The following CACNA1S variants were observed in gnomAD, a reference collection of about 807,000 sequenced individuals.
CACNA1S encodes the protein calcium voltage-gated channel subunit alpha1 S.
A neutral mutation model predicts 207.4 loss-of-function variants in CACNA1S; 126 were observed. That is an observed-to-expected ratio of 0.61 (90% CI 0.53 to 0.70). CACNA1S has a LOEUF of 0.70. CACNA1S is among the 30% of genes least tolerant of loss of function. CACNA1S has a pLI of 0.00. For synonymous variants in CACNA1S, 960 were observed against 932.7 expected, an observed-to-expected ratio of 1.03 and a Z score of -0.53; for missense variants, 2,349 against 2,422.8, an observed-to-expected ratio of 0.97 and a Z score of 0.64.
At chr1:201,043,216 C>T (rs992328036) in intron 40 of CACNA1S, 65 bp downstream of exon 40, 1 of 1,610,782 alleles carries the variant, frequency 6.2e-7, no homozygotes, top group African/African-American at 1.3e-5. Context: ...CCAATCCAAC[C>T]TGGAACCTGC....
intron 31 of CACNA1S, 78 bp from the exon 32 acceptor site, chr1:201,052,726 G>C: frequency 8.3e-7 from 1 of 1,198,304 alleles, no homozygotes; most frequent in Non-Finnish European, 1.2e-6. Context: ...GCCTTCTCCT[G>C]CCTGACCCCT....
rs1293623518 is a variant in CACNA1S at position 201,091,722 on chromosome 1, GA to G, written c.611del (p.Leu204ProfsTer130). The stretch of plus-strand genomic sequence containing the variant: ...TGATGGCATAGATGATGACCATAAA[GA>G]GGACCAGCAGGGCGATGTGAAAGAG... ...LPLFHIALLV[L>X]FMVIIYAIIG... On this transcript the variant is annotated frameshift_variant, in exon 5 of 44. Transcript: ENST00000362061. LOFTEE classifies it high-confidence loss of function. 1.2e-6 allele frequency: 2 copies of G among 1,614,022 alleles called. No individual in the cohort carries two copies. The highest frequency in any genetic ancestry group is 1.7e-6 in the Non-Finnish European group (2 of 1,179,962).
intron 27 of CACNA1S, 93 bp from the exon 28 acceptor site, chr1:201,058,584 T>C: frequency 9.9e-7 from 1 of 1,005,828 alleles, no homozygotes; most frequent in Non-Finnish European, 1.6e-6. Flanking sequence ...CCCGAGCTAA[T>C]GCGGAGCTGC....
intron 28 of CACNA1S, 116 bp downstream of exon 28, chr1:201,058,292 T>A: frequency 1.1e-6 from 1 of 899,410 alleles, no homozygotes; most frequent in East Asian, 2.5e-5. Context: ...TCATTCCATC[T>A]TTTTAACCCC....
At chr1:201,046,153 T>C (rs1002086345) in intron 38 of CACNA1S, among the ~76,000 whole-genome samples, 1 of 120,750 alleles carries the variant, frequency 8.3e-6, no homozygotes, top group Non-Finnish European at 1.5e-5. Context: ...CAATGGGACA[T>C]ATTTATTTAT....
chr1:201,054,985 C>T (rs948106889), intron 28 of CACNA1S, among the ~76,000 whole-genome samples: 2 of 152,168 alleles, frequency 1.3e-5, no homozygotes, highest in African/African-American at 2.4e-5. Flanking sequence ...GGCCAGGGTC[C>T]GGGCCCCTGT....
rs1572042527 is a variant in CACNA1S at position 201,069,519 on chromosome 1, C to T, written c.2443G>A (p.Ala815Thr). The change falls in exon 18 of 44, where the codon GCA becomes ACA. Residue 815 changes from alanine to threonine, a missense_variant. Coordinates refer to ENST00000362061, the MANE Select transcript of CACNA1S (RefSeq NM_000069.3). ...ILLFILLSSA[A>T]LAAEDPIRAD... ...CGGATGGGGTCTTCCGCAGCCAGTG[C>T]AGCGCTGCTGAGCAGGATGAAGAGC... The T allele has an allele frequency of 1.9e-6, 3 of 1,594,574 alleles. No individual in the cohort carries two copies. Among genetic ancestry groups the T allele is most frequent in the Non-Finnish European group, 2.6e-6 (3 of 1,172,054 alleles).
chr1:201,096,082 G>A (rs1375210635), intron 2 of CACNA1S, among the ~76,000 whole-genome samples: 1 of 152,220 alleles, frequency 6.6e-6, no homozygotes, highest in South Asian at 2.1e-4. Context: ...CAGGCTGGGC[G>A]GCCAGCCATG....
At position 201,053,004 on chromosome 1, in the gene CACNA1S, G is replaced by A. The variant is rs779329632; in HGVS notation, c.3861+205C>T. On this transcript the variant is annotated intron_variant, in intron 31 of 43. Transcript: ENST00000362061. The surrounding 1 kb of genome is among the most constrained non-coding windows in gnomAD (Gnocchi z 5.1). Reference sequence around the variant, plus strand: ...CCTGGCCCCTGCTGTCCACCCACATGCCCAGGTTTCTCCTGGCTGGCATCC... The same window carrying A: ...CCTGGCCCCTGCTGTCCACCCACATACCCAGGTTTCTCCTGGCTGGCATCC... 8.6e-5 allele frequency among the ~76,000 whole-genome samples: 13 copies of A among 152,036 alleles called. No individual in the cohort carries two copies. The highest frequency in any genetic ancestry group is 1.8e-4 in the Non-Finnish European group (12 of 68,002).
intron 9 of CACNA1S, among the ~76,000 whole-genome samples, chr1:201,083,970 C>T (rs1661934792): frequency 6.6e-6 from 1 of 152,062 alleles, no homozygotes; most frequent in South Asian, 2.1e-4. Flanking sequence ...ACAACTGTTC[C>T]CTGCAGCACT....
intron 31 of CACNA1S, among the ~76,000 whole-genome samples, chr1:201,052,951 G>A (rs1284594042): frequency 1.3e-5 from 2 of 152,118 alleles, no homozygotes; most frequent in Non-Finnish European, 2.9e-5. Flanking sequence ...AGGCCACCCA[G>A]GGCTCCAGTC....
Position 201,041,546 on chromosome 1 carries a change from C to T in CACNA1S, c.5092G>A (p.Ala1698Thr), listed in dbSNP as rs758432413. 1.9e-6 allele frequency: 3 copies of T among 1,614,202 alleles called. No homozygotes were observed. The Admixed American group carries it at 5.0e-5, about 27-fold the overall frequency. Residue 1698 changes from alanine to threonine, a missense_variant, in exon 41 of 44, where the codon GCT becomes ACT. Coordinates refer to ENST00000362061, the MANE Select transcript of CACNA1S (RefSeq NM_000069.3). ...TGGCCAAGGGCTCGTCCTCTGGTAGCAGGCGTCTCTGTCTCTTCTGGGAAC... is the reference window on the plus strand; with the variant it reads ...TGGCCAAGGGCTCGTCCTCTGGTAGTAGGCGTCTCTGTCTCTTCTGGGAAC... ...REFPEETETPATRGRALGQPC... is the reference protein window; with the variant it reads ...REFPEETETPTTRGRALGQPC...
At chr1:201,095,711 G>T (rs1230142584) in intron 2 of CACNA1S, among the ~76,000 whole-genome samples, 1 of 152,228 alleles carries the variant, frequency 6.6e-6, no homozygotes, top group Non-Finnish European at 1.5e-5. Context: ...TGATTAAAAT[G>T]CAAAGCCATG....
At chr1:201,097,576 C>A (rs765250198) in intron 2 of CACNA1S, among the ~76,000 whole-genome samples, 11 of 152,206 alleles carry the variant, frequency 7.2e-5, no homozygotes, top group Non-Finnish European at 1.3e-4. Context: ...TCCCCTATAA[C>A]CCTGTGCTTC....
rs369136264 is a variant in CACNA1S, at chr1:201,085,564, C to T, written c.1022G>A (p.Arg341Gln). The change falls in exon 8 of 44, where the codon CGG becomes CAG. Residue 341 changes from arginine to glutamine, a missense_variant. Transcript: ENST00000362061. The stretch of plus-strand genomic sequence containing the variant: ...GGTTCCCCTGGACTTGGCCTTCTCC[C>T]GCTCCTTGGTGAATTCCCTGAAATG... Reference protein sequence around the residue: ...GVLSGEFTKEREKAKSRGTFQ... With the variant: ...GVLSGEFTKEQEKAKSRGTFQ... The T allele has an allele frequency of 1.1e-5, 18 of 1,613,500 alleles. No homozygotes were observed. Among genetic ancestry groups the T allele is most frequent in the Middle Eastern group, 1.6e-4 (1 of 6,084 alleles).
intron 2 of CACNA1S, 50 bp downstream of exon 2, chr1:201,110,114 A>G (rs1436107449): frequency 3.2e-6 from 5 of 1,553,638 alleles, no homozygotes; most frequent in Non-Finnish European, 4.4e-6. Context: ...GGCCTCCCCA[A>G]GCCTGGGGCT....
Position 201,069,535 on chromosome 1 carries a change from G to T in CACNA1S, c.2427C>A (p.Ile809=), listed in dbSNP as rs1457344323. 1 of 1,587,048 alleles carries T rather than the reference G, an allele frequency of 6.3e-7. No individual in the cohort carries two copies. The highest frequency in any genetic ancestry group is 8.6e-7 in the Non-Finnish European group (1 of 1,167,906). ...CAGCCAGTGCAGCGCTGCTGAGCAG[G>T]ATGAAGAGCAGGATGAAGTTGGTAA... ...TWFTNFILLF[I]LLSSAALAAE... is the part of the protein sequence containing the mutation. The change falls in exon 18 of 44, where the codon ATC becomes ATA. Residue 809 remains isoleucine (I), a synonymous_variant. Transcript: ENST00000362061.
intron 32 of CACNA1S, among the ~76,000 whole-genome samples, chr1:201,051,412 G>A (rs1660644497): frequency 6.6e-6 from 1 of 152,152 alleles, no homozygotes; most frequent in Admixed American, 6.5e-5. Context: ...TTACTAGAGG[G>A]ATGCACTGTT....
At chr1:201,064,258 G>T (rs879325113) in intron 22 of CACNA1S, among the ~76,000 whole-genome samples, 3 of 152,180 alleles carry the variant, frequency 2.0e-5, no homozygotes, top group Non-Finnish European at 4.4e-5. Flanking sequence ...GGCAGAGGAG[G>T]GGGCTGGGGA....
Sources: gnomAD v4.1 joint callset for allele counts (sites outside exome capture counted in the v4.1 genomes callset) on GRCh38, gnomAD v4.1.1 for gene constraint, Gnocchi (gnomAD v3.1) non-coding constraint, MANE v1.5 for transcripts, NCBI Gene and HGNC (gene_info 2026-07-23, HGNC 2026-07-21) for gene names.